ADGRL2: variants seen among roughly 807,000 people sequenced by gnomAD.
The protein encoded by ADGRL2 is adhesion G protein-coupled receptor L2, also known as calcium-independent alpha-latrotoxin receptor 2.
Under a neutral mutation model 157.4 loss-of-function variants are expected in ADGRL2, and 44 were observed. The ratio of observed to expected loss-of-function variants is 0.28; its 90% confidence interval spans 0.22 to 0.36. The LOEUF is 0.36. ADGRL2 is among the 10% of genes least tolerant of loss of function. ADGRL2 has a pLI of 1.00. For synonymous variants in ADGRL2, 585 were observed against 624.7 expected (o/e 0.94, Z 0.95); for missense variants, 1,510 against 1,768.9 (o/e 0.85, Z 2.63).
intron 1 of ADGRL2, among the ~76,000 whole-genome samples, chr1:81,315,973 T>C (rs1015964021): frequency 6.6e-6 from 1 of 152,130 alleles, no homozygotes; most frequent in African/African-American, 2.4e-5. Flanking sequence ...CATGAATACT[T>C]ACTGTAACAG....
intron 2 of ADGRL2, among the ~76,000 whole-genome samples, chr1:81,863,738 A>G (rs2093455301): frequency 1.3e-5 from 2 of 152,294 alleles, no homozygotes; most frequent in South Asian, 2.1e-4. Context: ...ATAAAAGAGC[A>G]TGTTTTCTCA....
At chr1:81,978,083 A>C (rs1480122082) in intron 17 of ADGRL2, among the ~76,000 whole-genome samples, 1 of 151,638 alleles carries the variant, frequency 6.6e-6, no homozygotes, top group Non-Finnish European at 1.5e-5. Flanking sequence ...AAATTAAAAA[A>C]AAAACACACT....
At position 81,400,083 on chromosome 1, in the gene ADGRL2, C is replaced by T. The variant is rs75110389; in HGVS notation, c.-301-44953C>T. 7.9e-5 allele frequency among the ~76,000 whole-genome samples: 12 copies of T among 152,150 alleles called. No homozygotes were observed. The East Asian group carries it at 2.3e-3, about 29-fold the overall frequency. ...ACTATGCATGCTTCAGTGGTCTAGG[C>T]TATAGAAGTCTGTGGCAGTGGTGCT... On this transcript the variant is annotated intron_variant, in intron 1 of 24. Transcript: ENST00000370721.
intron 1 of ADGRL2, among the ~76,000 whole-genome samples, chr1:81,355,227 C>T (rs1663192955): frequency 6.6e-6 from 1 of 152,026 alleles, no homozygotes; most frequent in Non-Finnish European, 1.5e-5. Context: ...GGCTTGGTGG[C>T]ATGTGCCTGT....
chr1:81,990,099 A>G (rs1044650578), intron 23 of ADGRL2: 13 of 985,328 alleles, frequency 1.3e-5, no homozygotes, highest in Non-Finnish European at 1.6e-5. Flanking sequence ...TTTGTGTCAG[A>G]GATTTGACCA....
chr1:81,655,533 TAAGTC>T (rs1481537119), intron 3 of ADGRL2, among the ~76,000 whole-genome samples: 1 of 152,190 alleles, frequency 6.6e-6, no homozygotes, highest in Non-Finnish European at 1.5e-5. Flanking sequence ...AAGTTCCAGT[TAAGTC>T]AAGTTACTGA....
At chr1:81,408,281 C>A (rs2076889294) in intron 1 of ADGRL2, among the ~76,000 whole-genome samples, 1 of 151,960 alleles carries the variant, frequency 6.6e-6, no homozygotes, top group Admixed American at 6.6e-5. Context: ...AAAACATAAG[C>A]AATCTCTCCT....
At position 81,677,004 on chromosome 1, in the gene ADGRL2, T is replaced by C. The variant is rs566479884; in HGVS notation, c.-142-84807T>C. Among the ~76,000 whole-genome samples, 11 of 151,722 alleles carry C rather than the reference T, an allele frequency of 7.3e-5. No individual in the cohort carries two copies. The East Asian group carries it at 1.7e-3, about 24-fold the overall frequency. On this transcript the variant is annotated intron_variant, in intron 3 of 24. Transcript: ENST00000370721. The stretch of plus-strand genomic sequence containing the variant: ...TCATTGGATTATTCTTTTTTTTTTT[T>C]TTTCAGAGTTTCGCTCTTGTTGCCC...
At chr1:81,625,314 C>G (rs2081888605) in intron 3 of ADGRL2, among the ~76,000 whole-genome samples, 3 of 152,162 alleles carry the variant, frequency 2.0e-5, no homozygotes, top group Admixed American at 2.0e-4. Flanking sequence ...CCCTCCCTCT[C>G]TCCTCTAAAT....
intron 2 of ADGRL2, among the ~76,000 whole-genome samples, chr1:81,859,406 CTTTTT>C (rs34509135): frequency 8.0e-6 from 1 of 124,920 alleles, no homozygotes. Context: ...AGAATAAAAC[CTTTTT>C]TTTTTTTTTT....
intron 3 of ADGRL2, among the ~76,000 whole-genome samples, chr1:81,647,016 A>C (rs2082328172): frequency 6.6e-6 from 1 of 152,254 alleles, no homozygotes; most frequent in Admixed American, 6.5e-5. Context: ...TTATATTTAT[A>C]GTCACAAAGA....
At chr1:81,456,075 A>G (rs1237846881) in intron 2 of ADGRL2, among the ~76,000 whole-genome samples, 1 of 152,200 alleles carries the variant, frequency 6.6e-6, no homozygotes, top group African/African-American at 2.4e-5. Flanking sequence ...CTTAGTAATT[A>G]ATTTTAAGTA....
intron 3 of ADGRL2, among the ~76,000 whole-genome samples, chr1:81,660,292 G>T (rs1210939889): frequency 6.6e-6 from 1 of 152,264 alleles, no homozygotes; most frequent in Admixed American, 6.5e-5. Flanking sequence ...TTGTATATTA[G>T]ATCTGCCATC....
intron 1 of ADGRL2, among the ~76,000 whole-genome samples, chr1:81,369,868 T>A (rs571122645): frequency 2.0e-5 from 3 of 152,214 alleles, no homozygotes; most frequent in Non-Finnish European, 4.4e-5. Context: ...ACTTATTTAT[T>A]TTTTATTTCA....
At chr1:81,951,208 A>G in intron 8 of ADGRL2, 87 bp downstream of exon 8, 1 of 867,384 alleles carries the variant, frequency 1.2e-6, no homozygotes, top group Middle Eastern at 2.3e-4. Flanking sequence ...TGTTAAAACC[A>G]GCTTTATTGC....
intron 2 of ADGRL2, among the ~76,000 whole-genome samples, chr1:81,523,838 C>A (rs1253953364): frequency 6.9e-6 from 1 of 145,888 alleles, no homozygotes; most frequent in Non-Finnish European, 1.5e-5. Flanking sequence ...CCGAAGTGGG[C>A]GGATCACAAG....
chr1:81,502,354 T>G, intron 2 of ADGRL2: 1 of 1,613,440 alleles, frequency 6.2e-7, no homozygotes, highest in East Asian at 2.2e-5. Context: ...TGGCCTGGAG[T>G]GATGATGCAG....
At chr1:81,392,937 C>T (rs2076585088) in intron 1 of ADGRL2, among the ~76,000 whole-genome samples, 1 of 151,994 alleles carries the variant, frequency 6.6e-6, no homozygotes, top group South Asian at 2.1e-4. Context: ...ACTTTTTGTG[C>T]CCCATCCAAC....
At chr1:81,522,518 G>A (rs2079344676) in intron 2 of ADGRL2, among the ~76,000 whole-genome samples, 1 of 152,174 alleles carries the variant, frequency 6.6e-6, no homozygotes, top group Admixed American at 6.5e-5. Context: ...GTGGCATCTA[G>A]AGGGCCAGCA....
Sources: allele counts gnomAD v4.1 joint callset (sites outside exome capture counted in the v4.1 genomes callset), GRCh38; gene constraint gnomAD v4.1.1; transcripts MANE v1.5; gene names NCBI Gene and HGNC (gene_info 2026-07-23, HGNC 2026-07-21).